BNC2: variants seen among roughly 807,000 people sequenced by gnomAD.
BNC2 encodes the protein basonuclin zinc finger protein 2.
BNC2 carries 20 observed loss-of-function variants against 76.3 expected under a neutral mutation model. The observed-to-expected ratio is 0.26, with a 90% CI of 0.18 to 0.38. The LOEUF (loss-of-function observed/expected upper bound fraction) is 0.38, where lower values mean the gene tolerates loss of function less well. Ranked by LOEUF, BNC2 falls within the 10% of genes least tolerant of loss-of-function variation. The pLI, the probability that BNC2 is intolerant of heterozygous loss-of-function variation, is 1.00. For synonymous variants in BNC2, 582 were observed against 514.8 expected (o/e 1.13, Z -1.77); for missense variants, 1,382 against 1,399.8 (o/e 0.99, Z 0.20).
chr9:16,487,258 C>T (rs909208531), intron 5 of BNC2, among the ~76,000 whole-genome samples: 3 of 152,056 alleles, frequency 2.0e-5, no homozygotes, highest in Admixed American at 6.6e-5. Context: ...GTAAGTCTGT[C>T]GGCTGGGGGT....
intron 3 of BNC2, among the ~76,000 whole-genome samples, chr9:16,653,969 C>A (rs2133975230): frequency 6.6e-6 from 1 of 152,042 alleles, no homozygotes; most frequent in Non-Finnish European, 1.5e-5. Context: ...TCTGTGATGT[C>A]TAATACTTTA....
intron 3 of BNC2, among the ~76,000 whole-genome samples, chr9:16,724,190 T>TAC (rs1449735128): frequency 1.3e-5 from 2 of 152,042 alleles, no homozygotes; most frequent in Non-Finnish European, 2.9e-5. Flanking sequence ...TATAGCTATA[T>TAC]ACCTTTATGG....
At chr9:16,719,749 G>C (rs1205352728) in intron 3 of BNC2, among the ~76,000 whole-genome samples, 4 of 152,140 alleles carry the variant, frequency 2.6e-5, no homozygotes, top group African/African-American at 9.7e-5. Context: ...TATGTATACT[G>C]CATGCTTTAA....
intron 1 of BNC2, among the ~76,000 whole-genome samples, chr9:16,802,967 G>C (rs1235134661): frequency 6.6e-6 from 1 of 152,156 alleles, no homozygotes; most frequent in African/African-American, 2.4e-5. Flanking sequence ...CAAATATTTG[G>C]TTGGTAAAAT....
At chr9:16,662,455 G>A (rs1233602049) in intron 3 of BNC2, among the ~76,000 whole-genome samples, 1 of 152,184 alleles carries the variant, frequency 6.6e-6, no homozygotes, top group East Asian at 1.9e-4. Context: ...AAATACCCGG[G>A]CTGAGCGTAG....
chr9:16,646,192 T>A (rs756856176), intron 3 of BNC2, among the ~76,000 whole-genome samples: 1 of 152,174 alleles, frequency 6.6e-6, no homozygotes, highest in Non-Finnish European at 1.5e-5. Flanking sequence ...GAACCAAGAA[T>A]ACCCAGAAGC....
intron 5 of BNC2, among the ~76,000 whole-genome samples, chr9:16,520,634 C>T (rs1426527246): frequency 6.6e-6 from 1 of 152,152 alleles, no homozygotes; most frequent in African/African-American, 2.4e-5. Context: ...AAGGGAGACT[C>T]CTTTCATCCC....
intron 4 of BNC2, among the ~76,000 whole-genome samples, chr9:16,571,059 G>C (rs1563844467): frequency 6.6e-6 from 1 of 152,036 alleles, no homozygotes. Context: ...GTAAAATGTA[G>C]CAATTTTTCC....
chr9:16,697,100 C>A (rs958494429), intron 3 of BNC2, among the ~76,000 whole-genome samples: 10 of 152,252 alleles, frequency 6.6e-5, no homozygotes, highest in African/African-American at 1.9e-4. Context: ...GTGGCTCATG[C>A]CTGTAATCCC....
chr9:16,429,819 T>A (rs972772826), intron 6 of BNC2: 1 of 431,032 alleles, frequency 2.3e-6, no homozygotes, highest in African/African-American at 2.0e-5. Context: ...ACGGTGGAAA[T>A]GAGTGGTGCA....
At chr9:16,811,953 G>A (rs1221115009) in intron 1 of BNC2, among the ~76,000 whole-genome samples, 3 of 152,204 alleles carry the variant, frequency 2.0e-5, no homozygotes, top group South Asian at 4.1e-4. Context: ...TTAGGGAGGT[G>A]TGAAAAAGAA....
chr9:16,492,062 C>T (rs984661858), intron 5 of BNC2, among the ~76,000 whole-genome samples: 3 of 151,768 alleles, frequency 2.0e-5, no homozygotes, highest in Non-Finnish European at 2.9e-5. Flanking sequence ...CAGTGAAATA[C>T]GATTGTAAAA....
At chr9:16,838,325 C>T (rs1163295553) in intron 1 of BNC2, among the ~76,000 whole-genome samples, 4 of 152,128 alleles carry the variant, frequency 2.6e-5, no homozygotes, top group Non-Finnish European at 5.9e-5. Flanking sequence ...GAGGCCAAGG[C>T]GGGCGGATCA....
At chr9:16,845,290 G>A (rs1818942092) in intron 1 of BNC2, among the ~76,000 whole-genome samples, 1 of 151,072 alleles carries the variant, frequency 6.6e-6, no homozygotes, top group Non-Finnish European at 1.5e-5. Context: ...TAAAATGGAG[G>A]GAGTTTTTAA....
intron 1 of BNC2, among the ~76,000 whole-genome samples, chr9:16,776,675 G>A (rs902387998): frequency 1.3e-5 from 2 of 152,128 alleles, no homozygotes; most frequent in African/African-American, 4.8e-5. Context: ...GTGAAAGAAA[G>A]CAAGCACTCT....
At position 16,419,045 on chromosome 9, in the gene BNC2, G is replaced by A. The variant is rs528196175; in HGVS notation, c.3244C>T (p.Arg1082Trp). 39 of 1,614,178 alleles carry A rather than the reference G, an allele frequency of 2.4e-5. No individual in the cohort carries two copies. The highest frequency in any genetic ancestry group is 3.3e-5 in the Non-Finnish European group (39 of 1,180,036). The change falls in exon 7 of 7, where the codon CGG becomes TGG. Residue 1082 changes from arginine to tryptophan, a missense_variant. Transcript: ENST00000380672. ...TGGAGATTAGGGTTCTGACTGTGCC[G>A]ATTTCGGCTTCGTACAGAGGAAAAC... ...MMFSSVRSRNRHSQNPNLHKN... is the reference protein window; with the variant it reads ...MMFSSVRSRNWHSQNPNLHKN...
intron 1 of BNC2, among the ~76,000 whole-genome samples, chr9:16,810,263 A>G (rs957077724): frequency 1.3e-5 from 2 of 152,018 alleles, no homozygotes; most frequent in South Asian, 2.1e-4. Flanking sequence ...ACAAGACAGC[A>G]TATTTTCTCC....
intron 6 of BNC2, among the ~76,000 whole-genome samples, chr9:16,431,935 TC>T (rs1362880521): frequency 6.6e-6 from 1 of 152,146 alleles, no homozygotes; most frequent in Admixed American, 6.5e-5. Flanking sequence ...CACCCACCAC[TC>T]ACCTCCTGCT....
At chr9:16,511,701 T>C (rs373662316) in intron 5 of BNC2, among the ~76,000 whole-genome samples, 2 of 152,236 alleles carry the variant, frequency 1.3e-5, no homozygotes, top group African/African-American at 4.8e-5. Context: ...AGTGCTGAGA[T>C]TACAGGCGTG....
Sources: allele counts gnomAD v4.1 joint callset (sites outside exome capture counted in the v4.1 genomes callset), GRCh38; gene constraint gnomAD v4.1.1; transcripts MANE v1.5; gene names NCBI Gene and HGNC (gene_info 2026-07-23, HGNC 2026-07-21).